The following TANC1 variants were observed in gnomAD, a reference collection of about 807,000 sequenced individuals.
TANC1 encodes the protein tetratricopeptide repeat, ankyrin repeat and coiled-coil containing 1.
In TANC1, 77 loss-of-function variants were observed where a neutral mutation model predicts 149.7. The ratio of observed to expected loss-of-function variants is 0.51; its 90% CI spans 0.43 to 0.62. The LOEUF (loss-of-function observed/expected upper bound fraction) is 0.62, where lower values mean the gene tolerates loss of function less well. Among genes scored for constraint, TANC1 ranks in the 20% least tolerant of loss-of-function variants. TANC1 has a pLI of 0.00. For synonymous variants in TANC1, 854 were observed against 925.0 expected, an observed-to-expected ratio of 0.92 and a Z score of 1.39; for missense variants, 1,985 against 2,321.8, an observed-to-expected ratio of 0.85 and a Z score of 2.98.
chr2:159,099,842 C>A (rs1248530661), intron 4 of TANC1, among the ~76,000 whole-genome samples: 1 of 152,092 alleles, frequency 6.6e-6, no homozygotes, highest in African/African-American at 2.4e-5. Context: ...CTTCCCCATG[C>A]GGTATTTGGA....
chr2:159,168,353 G>A (rs1309393372), intron 8 of TANC1, among the ~76,000 whole-genome samples: 1 of 145,036 alleles, frequency 6.9e-6, no homozygotes, highest in African/African-American at 2.6e-5. Flanking sequence ...AGGCTGGAGT[G>A]TAGTGGCACG....
chr2:159,196,844 C>A (rs376330182), intron 18 of TANC1, 51 bp downstream of exon 18: 2 of 1,528,798 alleles, frequency 1.3e-6, no homozygotes, highest in South Asian at 2.3e-5. Flanking sequence ...TGTAGCCCAG[C>A]AAGTCAGTTG....
At position 159,117,482 on chromosome 2, in the gene TANC1, G is replaced by A. The variant is rs537376034; in HGVS notation, c.260-18712G>A. Among the ~76,000 whole-genome samples, 130 of 151,852 alleles carry A rather than the reference G, an allele frequency of 8.6e-4. 1 individual carries two copies. Among genetic ancestry groups the A allele is most frequent in the African/African-American group, 2.9e-3 (120 of 41,404 alleles). On this transcript the variant is annotated intron_variant, in intron 4 of 26. Transcript: ENST00000263635. ...GCAATCTCGGCTCACTGCAAGCTCC[G>A]CCTCCTGGGTTCACGCCATTCTCCT...
rs1389359442 is a variant in TANC1 at position 159,199,025 on chromosome 2, T to C, written c.3216T>C (p.Asn1072=). 1.9e-6 allele frequency: 3 copies of C among 1,613,942 alleles called. No individual in the cohort carries two copies. Among genetic ancestry groups the C allele is most frequent in the Non-Finnish European group, 2.5e-6 (3 of 1,179,956 alleles). The change falls in exon 19 of 27, where the codon AAT becomes AAC. Residue 1072 remains asparagine (N), a synonymous_variant. Transcript: ENST00000263635. ...AGAAGGAACATGAAGTAGAAGTCAA[T>C]GGCACCGACACATTGTGGGGAGAAA... ...GMEKEHEVEV[N]GTDTLWGETA...
At chr2:159,190,661 C>T (rs2057373641) in intron 16 of TANC1, among the ~76,000 whole-genome samples, 1 of 152,158 alleles carries the variant, frequency 6.6e-6, no homozygotes, top group Non-Finnish European at 1.5e-5. Flanking sequence ...AAGTGATTCT[C>T]CTGCCTCAGC....
intron 2 of TANC1, among the ~76,000 whole-genome samples, chr2:159,039,758 G>A (rs2040483772): frequency 6.6e-6 from 1 of 152,148 alleles, no homozygotes; most frequent in Admixed American, 6.5e-5. Context: ...GCTGAGGAGT[G>A]CTTTATTTCC....
intron 23 of TANC1, 148 bp from the exon 24 acceptor site, chr2:159,225,540 G>A (rs573022345): frequency 3.5e-5 from 23 of 648,384 alleles, no homozygotes; most frequent in African/African-American, 7.3e-5. Context: ...CAACAGCCTC[G>A]CCGGCGTCCT....
chr2:159,022,543 G>T (rs2038912822), intron 2 of TANC1, among the ~76,000 whole-genome samples: 1 of 152,128 alleles, frequency 6.6e-6, no homozygotes, highest in African/African-American at 2.4e-5. Context: ...TCAGGAGTTT[G>T]AGACCAGCCT....
In TANC1 at chr2:159,059,947, GT is replaced by G. The variant is rs571783170; in HGVS notation, c.-15-5937del. Among the ~76,000 whole-genome samples, 143 of 102,908 alleles carry G rather than the reference GT, an allele frequency of 1.4e-3. 1 individual carries two copies. The highest frequency in any genetic ancestry group is 2.3e-3 in the Non-Finnish European group (106 of 45,572). The allele number at this position is 102,908 out of a possible 152,430, so 67.5% of individuals were successfully genotyped here. ...GTGTGTGTGGTTTTTTGTTGTTGTT[GT>G]TTTTTTTTTTTGGTCTCTTACGCTT... On this transcript the variant is annotated intron_variant, in intron 2 of 26. Coordinates refer to ENST00000263635, the MANE Select transcript of TANC1 (RefSeq NM_033394.3).
intron 23 of TANC1, chr2:159,225,322 G>C (rs2059954664): frequency 5.9e-6 from 2 of 337,492 alleles, no homozygotes; most frequent in Admixed American, 8.7e-5. Flanking sequence ...ACAGCACAGG[G>C]ACTGCGTGCT....
chr2:159,209,571 G>A (rs560183463), intron 19 of TANC1, among the ~76,000 whole-genome samples: 2 of 152,288 alleles, frequency 1.3e-5, no homozygotes, highest in South Asian at 2.1e-4. Flanking sequence ...TGTGACGGCC[G>A]AGCTCCCAGT....
At chr2:159,184,553 G>T (rs951959127) in intron 14 of TANC1, among the ~76,000 whole-genome samples, 1 of 152,326 alleles carries the variant, frequency 6.6e-6, no homozygotes, top group East Asian at 1.9e-4. Flanking sequence ...GACTTAGGAG[G>T]ACTTAGCCTG....
intron 7 of TANC1, among the ~76,000 whole-genome samples, chr2:159,152,780 G>A (rs903968298): frequency 1.4e-4 from 21 of 152,252 alleles, no homozygotes; most frequent in African/African-American, 3.9e-4. Flanking sequence ...CGCTGTGCCC[G>A]GCCCAAACTT....
chr2:159,117,590 G>A (rs1221367789), intron 4 of TANC1, among the ~76,000 whole-genome samples: 1 of 151,730 alleles, frequency 6.6e-6, no homozygotes, highest in Non-Finnish European at 1.5e-5. Flanking sequence ...TAGAGACGGG[G>A]TTTCACCGTG....
intron 4 of TANC1, among the ~76,000 whole-genome samples, chr2:159,125,883 C>A (rs1338382232): frequency 6.6e-6 from 1 of 152,100 alleles, no homozygotes; most frequent in Non-Finnish European, 1.5e-5. Flanking sequence ...CTGTTGAGCC[C>A]GGCCTAGGTC....
intron 22 of TANC1, among the ~76,000 whole-genome samples, chr2:159,220,261 A>G (rs1347525840): frequency 6.6e-6 from 1 of 151,348 alleles, no homozygotes; most frequent in Non-Finnish European, 1.5e-5. Context: ...GACTAATCAA[A>G]TGACTACCTG....
chr2:159,217,711 A>ATGCGGCTCCCCTGAGAACACAT, intron 20 of TANC1, 81 bp downstream of exon 20: 1 of 1,537,242 alleles, frequency 6.5e-7, no homozygotes, highest in Non-Finnish European at 8.9e-7. Context: ...TGAGAACACA[A>ATGCGGCTCCCCTGAGAACACAT]TGCAGCTCCC....
At chr2:159,041,886 AGAC>A (rs2040669298) in intron 2 of TANC1, among the ~76,000 whole-genome samples, 7 of 152,152 alleles carry the variant, frequency 4.6e-5, no homozygotes, top group Non-Finnish European at 1.0e-4. Context: ...TGCGGGCTGA[AGAC>A]TGGAGCTGTT....
chr2:159,171,120 G>A (rs544056280), intron 10 of TANC1, among the ~76,000 whole-genome samples: 2 of 152,218 alleles, frequency 1.3e-5, no homozygotes, highest in Admixed American at 6.5e-5. Context: ...AGAGCAAGGG[G>A]TTGGGCTCCT....
Sources: gnomAD v4.1 joint callset for allele counts (sites outside exome capture counted in the v4.1 genomes callset) on GRCh38, gnomAD v4.1.1 for gene constraint, MANE v1.5 for transcripts, NCBI Gene and HGNC (gene_info 2026-07-23, HGNC 2026-07-21) for gene names.